ATXN1: variants seen among roughly 807,000 people sequenced by gnomAD.
The protein encoded by ATXN1 is ataxin 1.
In ATXN1, 8 loss-of-function variants were observed where a neutral mutation model predicts 56.4. The observed-to-expected ratio is 0.14, with a 90% CI of 0.08 to 0.26. The LOEUF is 0.26. Among genes scored for constraint, ATXN1 ranks in the 10% least tolerant of loss-of-function variants. ATXN1 has a pLI of 1.00. For synonymous variants in ATXN1, 514 were observed against 494.6 expected (o/e 1.04, Z -0.52); for missense variants, 987 against 1,106.5 (o/e 0.89, Z 1.53).
chr6:16,402,255 T>G (rs1215442864), intron 6 of ATXN1, among the ~76,000 whole-genome samples: 3 of 111,694 alleles, frequency 2.7e-5, no homozygotes, highest in Non-Finnish European at 4.0e-5. Flanking sequence ...TTTTTTTTTT[T>G]TTTTTTTTTT....
chr6:16,545,449 C>T (rs1385001590), intron 4 of ATXN1, among the ~76,000 whole-genome samples: 2 of 151,764 alleles, frequency 1.3e-5, no homozygotes, highest in African/African-American at 2.4e-5. Context: ...AAGGCCACAG[C>T]ATGTATTCTT....
At chr6:16,315,423 G>A (rs963847028) in intron 7 of ATXN1, among the ~76,000 whole-genome samples, 2 of 151,858 alleles carry the variant, frequency 1.3e-5, no homozygotes, top group African/African-American at 2.4e-5. Context: ...CATCTCACTC[G>A]CTCGGTCACC....
chr6:16,575,075 C>G (rs995235417), intron 4 of ATXN1, among the ~76,000 whole-genome samples: 1 of 152,016 alleles, frequency 6.6e-6, no homozygotes, highest in African/African-American at 2.4e-5. Context: ...GTGGGACACA[C>G]GATGTCAATA....
intron 6 of ATXN1, among the ~76,000 whole-genome samples, chr6:16,449,984 T>C (rs1759721964): frequency 6.6e-6 from 1 of 152,266 alleles, no homozygotes; most frequent in Non-Finnish European, 1.5e-5. Flanking sequence ...TTCTTGATTT[T>C]ATAAGTCAGC....
At position 16,395,270 on chromosome 6, in the gene ATXN1, C is replaced by CAAAAAAAAAAAAAAAAA. The variant is rs748314030; in HGVS notation, c.-160-66817_-160-66801dup. 1.0e-3 allele frequency among the ~76,000 whole-genome samples: 49 copies of CAAAAAAAAAAAAAAAAA among 48,432 alleles called. 2 individuals carry two copies. Among genetic ancestry groups the CAAAAAAAAAAAAAAAAA allele is most frequent in the African/African-American group, 3.2e-3 (35 of 11,048 alleles). 31.8% of individuals were successfully genotyped at this position (48,432 alleles called of 152,430 possible). ...GGCCAACAAGAGCGAAACTCCGTCT[C>CAAAAAAAAAAAAAAAAA]AAAAAAAAAAAAAAAAAAAAACAAG... is the stretch of plus-strand genomic sequence containing the variant. On this transcript the variant is annotated intron_variant, in intron 6 of 7. Transcript: ENST00000436367.
intron 1 of ATXN1, among the ~76,000 whole-genome samples, chr6:16,755,471 T>C (rs1760858703): frequency 6.6e-6 from 1 of 152,090 alleles, no homozygotes; most frequent in African/African-American, 2.4e-5. Context: ...TATTGGAAGA[T>C]TAACAAGAAA....
intron 6 of ATXN1, among the ~76,000 whole-genome samples, chr6:16,364,417 C>T (rs1761874449): frequency 6.6e-6 from 1 of 152,110 alleles, no homozygotes. Flanking sequence ...CATTCTCCTG[C>T]CTCAGCCTCC....
chr6:16,708,982 T>A (rs1446256090), intron 2 of ATXN1, among the ~76,000 whole-genome samples: 2 of 148,782 alleles, frequency 1.3e-5, no homozygotes, highest in East Asian at 4.0e-4. Flanking sequence ...GCCAAGATTG[T>A]GCCACTGAAC....
chr6:16,459,476 C>T (rs1759947085), intron 6 of ATXN1, among the ~76,000 whole-genome samples: 1 of 152,286 alleles, frequency 6.6e-6, no homozygotes, highest in South Asian at 2.1e-4. Flanking sequence ...AAAACTGAAT[C>T]GTCAGTGGAG....
At chr6:16,498,203 G>A (rs1760814391) in intron 5 of ATXN1, among the ~76,000 whole-genome samples, 1 of 152,258 alleles carries the variant, frequency 6.6e-6, no homozygotes. Context: ...CTAAGGAGTT[G>A]TCTATTCTGG....
chr6:16,532,380 T>C (rs1761521158), intron 4 of ATXN1, among the ~76,000 whole-genome samples: 1 of 152,134 alleles, frequency 6.6e-6, no homozygotes, highest in Non-Finnish European at 1.5e-5. Flanking sequence ...AGTTTTCCAG[T>C]GGTAAGTCTC....
intron 6 of ATXN1, among the ~76,000 whole-genome samples, chr6:16,476,581 T>C (rs141022714): frequency 6.6e-6 from 1 of 151,906 alleles, no homozygotes; most frequent in African/African-American, 2.4e-5. Flanking sequence ...ATGTACTTAA[T>C]AGGTATTTAT....
At chr6:16,357,308 C>T (rs965309525) in intron 6 of ATXN1, among the ~76,000 whole-genome samples, 1 of 150,326 alleles carries the variant, frequency 6.7e-6, no homozygotes, top group Non-Finnish European at 1.5e-5. Context: ...CTCACTCTGT[C>T]ACCCAGGCTG....
chr6:16,504,738 A>G (rs1188906570), intron 5 of ATXN1, among the ~76,000 whole-genome samples: 1 of 152,120 alleles, frequency 6.6e-6, no homozygotes, highest in Non-Finnish European at 1.5e-5. Flanking sequence ...AGACCTCTCC[A>G]CGGCGCTCAG....
chr6:16,651,268 G>C (rs1763887577), intron 3 of ATXN1, among the ~76,000 whole-genome samples: 1 of 152,170 alleles, frequency 6.6e-6, no homozygotes, highest in Non-Finnish European at 1.5e-5. Context: ...ACTCAGACTG[G>C]GGGCAGTGGC....
intron 3 of ATXN1, among the ~76,000 whole-genome samples, chr6:16,598,353 T>A (rs557135906): frequency 6.6e-6 from 1 of 152,356 alleles, no homozygotes; most frequent in African/African-American, 2.4e-5. Context: ...TTTTCTCTTT[T>A]GAAATTTCAG....
rs182618460 is a variant in ATXN1 at position 16,351,409 on chromosome 6, T to G, written c.-160-22939A>C. ...GAATGTTTTTTTAATTTCAGGGTTTTTTTTTTTTTTTGAAACAAGGTCTCA... is the reference window on the plus strand; with the variant it reads ...GAATGTTTTTTTAATTTCAGGGTTTGTTTTTTTTTTTGAAACAAGGTCTCA... On this transcript the variant is annotated intron_variant, in intron 6 of 7. Coordinates refer to ENST00000436367, the MANE Select transcript of ATXN1 (RefSeq NM_001128164.2). Among the ~76,000 whole-genome samples, 673 of 151,784 alleles carry G rather than the reference T, an allele frequency of 4.4e-3. 5 individuals carry two copies. Among genetic ancestry groups the G allele is most frequent in the African/African-American group, 0.015 (625 of 41,414 alleles).
rs74806030 is a variant in ATXN1 at position 16,418,100 on chromosome 6, G to A, written c.-161+67872C>T. ...CTCTGGTGTAGCAAAAGATTGAGAA[G>A]TGAACACTGTTGTAGAGCTACGAAA... On this transcript the variant is annotated intron_variant, in intron 6 of 7. Transcript: ENST00000436367. 3.3e-5 allele frequency among the ~76,000 whole-genome samples: 5 copies of A among 152,222 alleles called. No individual in the cohort carries two copies. In the East Asian group the frequency reaches 7.7e-4, roughly 24 times the overall value.
chr6:16,727,071 G>A (rs1446932015), intron 2 of ATXN1, among the ~76,000 whole-genome samples: 1 of 152,152 alleles, frequency 6.6e-6, no homozygotes, highest in African/African-American at 2.4e-5. Flanking sequence ...CAATTATGAA[G>A]TGCCTGCTCT....
Sources: gnomAD v4.1 joint callset for allele counts (sites outside exome capture counted in the v4.1 genomes callset) on GRCh38, gnomAD v4.1.1 for gene constraint, MANE v1.5 for transcripts, NCBI Gene and HGNC (gene_info 2026-07-23, HGNC 2026-07-21) for gene names.